The following MRPL52 variants were observed in gnomAD, a reference collection of about 807,000 sequenced individuals.
MRPL52 encodes mitochondrial ribosomal protein L52.
A neutral mutation model predicts 22.1 loss-of-function variants in MRPL52; 19 were observed. The observed-to-expected ratio is 0.86, with a 90% CI of 0.60 to 1.26. The LOEUF is 1.26. Ranked by LOEUF, MRPL52 falls within the 50% of genes most tolerant of loss-of-function variation. The pLI is 0.00. For missense variants in MRPL52, 152 were observed against 148.1 expected, an observed-to-expected ratio of 1.03 and a Z score of -0.14; for synonymous variants, 50 against 57.5, an observed-to-expected ratio of 0.87 and a Z score of 0.59.
chr14:22,830,918 A>C, intron 3 of MRPL52: 1 of 1,346,738 alleles, frequency 7.4e-7, no homozygotes, highest in Admixed American at 2.0e-5. Flanking sequence ...GTCCTCCTTG[A>C]CAACACAGAG....
chr14:22,830,354 AAG>A, intron 3 of MRPL52, 100 bp downstream of exon 3: 1 of 1,250,962 alleles, frequency 8.0e-7, no homozygotes, highest in Non-Finnish European at 1.2e-6. Context: ...GGGCGTGTAA[AAG>A]TGTTTAACTT....
At chr14:22,831,013 A>G (rs1462743071) in intron 3 of MRPL52, 7 of 1,490,570 alleles carry the variant, frequency 4.7e-6, no homozygotes, top group Non-Finnish European at 6.3e-6. Flanking sequence ...AAGATGGTGA[A>G]GATTTTTTCT....
chr14:22,831,298 A>G (rs571080718), intron 3 of MRPL52: 4 of 372,636 alleles, frequency 1.1e-5, no homozygotes, highest in African/African-American at 6.4e-5. Context: ...TTTAACTTTT[A>G]GTAGAGACAG....
intron 3 of MRPL52, 42 bp from the exon 4 acceptor site, chr14:22,833,376 T>A (rs12050397): frequency 0.85 from 1,102,339 of 1,298,922 alleles, 468,961 homozygotes; most frequent in East Asian, 1. Context: ...GGTGATGCAG[T>A]CCATCTCTAA....
At chr14:22,833,145 T>A in intron 3 of MRPL52, 1 of 271,130 alleles carries the variant, frequency 3.7e-6, no homozygotes, top group Non-Finnish European at 7.1e-6. Context: ...ACCACTGCAC[T>A]CCTACCTGGC....
chr14:22,833,230 C>T, intron 3 of MRPL52, 188 bp from the exon 4 acceptor site: 1 of 571,396 alleles, frequency 1.8e-6, no homozygotes. Context: ...TGTCTAGGAG[C>T]TTATTCTGGG....
intron 3 of MRPL52, 93 bp downstream of exon 3, chr14:22,830,347 C>T (rs2039579251): frequency 7.7e-7 from 1 of 1,299,660 alleles, no homozygotes; most frequent in Non-Finnish European, 1.1e-6. Flanking sequence ...AAGGTGGGGG[C>T]GTGTAAAAGT....
chr14:22,831,155 C>G (rs1426882948), intron 3 of MRPL52: 4 of 513,898 alleles, frequency 7.8e-6, no homozygotes, highest in African/African-American at 7.1e-5. Context: ...CCCTGTCACC[C>G]AGGCTGAAGT....
intron 3 of MRPL52, chr14:22,830,971 A>G (rs2039595952): frequency 1.1e-5 from 17 of 1,532,184 alleles, no homozygotes; most frequent in Non-Finnish European, 1.5e-5. Flanking sequence ...TAGGGGTATG[A>G]TCCTGCTTAA....
chr14:22,831,756 G>A (rs1054316185), intron 3 of MRPL52: 2 of 152,268 alleles, frequency 1.3e-5, no homozygotes, highest in Non-Finnish European at 2.9e-5. Context: ...ACATGCTTAT[G>A]TGTCTACACT....
At chr14:22,830,332 G>A in intron 3 of MRPL52, 78 bp downstream of exon 3, 2 of 1,461,606 alleles carry the variant, frequency 1.4e-6, no homozygotes, top group Admixed American at 3.4e-5. Context: ...GGAGCTGGGG[G>A]TATCAAGGTG....
intron 1 of MRPL52, 40 bp from the exon 2 acceptor site, chr14:22,830,013 G>A: frequency 6.2e-7 from 1 of 1,613,636 alleles, no homozygotes; most frequent in Non-Finnish European, 8.5e-7. Flanking sequence ...TGATCCGGCT[G>A]CGCGGCCTCT....
chr14:22,833,433 C>T lies in MRPL52; in HGVS notation c.170C>T (p.Pro57Leu), dbSNP rs1437247027. ...DWSYADGRPA[P>L]PMKGQLRRKA... ...CTACTTGTAGATGGCCGCCCTGCTC[C>T]CCCAATGAAAGGCCAGCTTCGAAGA... The change falls in exon 4 of 5, where the codon CCC becomes CTC. Residue 57 changes from proline to leucine, a missense_variant. By Grantham distance (98) the Pro-to-Leu change is moderately conservative. Coordinates refer to ENST00000397496, the MANE Select transcript of MRPL52 (RefSeq NM_180982.3). 6.2e-7 allele frequency: 1 copy of T among 1,613,464 alleles called. No individual in the cohort carries two copies. The highest frequency in any genetic ancestry group is 8.5e-7 in the Non-Finnish European group (1 of 1,179,568).
In MRPL52 at chr14:22,833,434, C is replaced by A. The variant is rs78923701; in HGVS notation, c.171C>A (p.Pro57=). The change falls in exon 4 of 5, where the codon CCC becomes CCA. Residue 57 remains proline, a synonymous_variant. Coordinates refer to ENST00000397496, the MANE Select transcript of MRPL52 (RefSeq NM_180982.3). ...DWSYADGRPA[P]PMKGQLRRKA... ...TACTTGTAGATGGCCGCCCTGCTCC[C>A]CCAATGAAAGGCCAGCTTCGAAGAA... 2.7e-3 allele frequency: 4,416 copies of A among 1,613,656 alleles called. 14 individuals are homozygous for A. Among genetic ancestry groups the A allele is most frequent in the South Asian group, 9.6e-3 (875 of 91,068 alleles).
In MRPL52 at chr14:22,830,194, C is replaced by G; in HGVS notation, c.94C>G (p.Leu32Val). The G allele has an allele frequency of 6.2e-7, 1 of 1,614,246 alleles. No individual in the cohort carries two copies. The highest frequency in any genetic ancestry group is 1.3e-5 in the African/African-American group (1 of 75,066). Reference protein sequence around the residue: ...AGGQWRLQQGLAANPSGYGPL... With the variant: ...AGGQWRLQQGVAANPSGYGPL... The stretch of plus-strand genomic sequence containing the variant: ...CTGTTTTTCTCCACACAGGCAGGGA[C>G]TGGCTGCCAACCCCTCCGGCTACGG... Residue 32 changes from leucine to valine, a missense_variant, in exon 3 of 5, where the codon CTG becomes GTG. Coordinates refer to ENST00000397496, the MANE Select transcript of MRPL52 (RefSeq NM_180982.3).
At chr14:22,832,563 A>G (rs1157088479) in intron 3 of MRPL52, among the ~76,000 whole-genome samples, 1 of 151,708 alleles carries the variant, frequency 6.6e-6, no homozygotes, top group African/African-American at 2.4e-5. Flanking sequence ...GATGGTCTCA[A>G]TCTCCTGACC....
chr14:22,832,340 TTTG>T (rs1041962480), intron 3 of MRPL52, among the ~76,000 whole-genome samples: 1 of 151,986 alleles, frequency 6.6e-6, no homozygotes, highest in Non-Finnish European at 1.5e-5. Context: ...TCTGGTTTTT[TTTG>T]TTTTTTGTTT....
chr14:22,833,547 G>T, intron 4 of MRPL52, 65 bp downstream of exon 4: 1 of 1,226,926 alleles, frequency 8.2e-7, no homozygotes, highest in South Asian at 1.2e-5. Flanking sequence ...AATTTGTCTT[G>T]AGCTGTGTTG....
In MRPL52 at chr14:22,834,236, A is replaced by G; in HGVS notation, c.284A>G (p.Gln95Arg). Residue 95 changes from glutamine (Q) to arginine (R), a missense_variant, in exon 5 of 5, where the codon CAG becomes CGG. Coordinates refer to ENST00000397496, the MANE Select transcript of MRPL52 (RefSeq NM_180982.3). ...TTACAAGCATGGCAGCTCAGGCAGC[A>G]GAAGTTGCAGGAAGAACAAAGGAAG... ...AGLQAWQLRQQKLQEEQRKQE... is the reference protein window; with the variant it reads ...AGLQAWQLRQRKLQEEQRKQE... 1 of 1,614,254 alleles carries G rather than the reference A, an allele frequency of 6.2e-7. No homozygotes were observed. The highest frequency in any genetic ancestry group is 1.1e-5 in the South Asian group (1 of 91,088).
Sources: gnomAD v4.1 joint callset for allele counts (sites outside exome capture counted in the v4.1 genomes callset) on GRCh38, gnomAD v4.1.1 for gene constraint, MANE v1.5 for transcripts, NCBI Gene and HGNC (gene_info 2026-07-23, HGNC 2026-07-21) for gene names.